Variants in PRDM5 observed in about 807,000 individuals in gnomAD.
The protein encoded by PRDM5 is PR/SET domain 5.
In PRDM5, 56 loss-of-function variants were observed where a neutral mutation model predicts 81.2. The observed-to-expected ratio is 0.69, with a 90% CI of 0.56 to 0.86. The LOEUF (loss-of-function observed/expected upper bound fraction) is 0.86, where lower values mean the gene tolerates loss of function less well. Among genes scored for constraint, PRDM5 ranks in the 40% least tolerant of loss-of-function variants. The pLI is 0.00. For missense variants in PRDM5, 697 were observed against 770.1 expected, an observed-to-expected ratio of 0.91 and a Z score of 1.12; for synonymous variants, 267 against 256.4, an observed-to-expected ratio of 1.04 and a Z score of -0.39.
chr4:120,840,722 C>A (rs1251177911), intron 3 of PRDM5, among the ~76,000 whole-genome samples: 1 of 152,194 alleles, frequency 6.6e-6, no homozygotes, highest in Non-Finnish European at 1.5e-5. Flanking sequence ...ACTCTGCCCA[C>A]GATAGGCCTG....
chr4:120,796,321 G>A (rs1751342779), intron 10 of PRDM5, among the ~76,000 whole-genome samples: 1 of 152,194 alleles, frequency 6.6e-6, no homozygotes, highest in Admixed American at 6.5e-5. Context: ...GTCTAGTGCA[G>A]AAGGATTGAG....
chr4:120,709,449 T>G (rs369830734), intron 15 of PRDM5, among the ~76,000 whole-genome samples: 1 of 152,196 alleles, frequency 6.6e-6, no homozygotes, highest in East Asian at 1.9e-4. Context: ...TGTCTTAACC[T>G]TACCACTGAA....
intron 15 of PRDM5, among the ~76,000 whole-genome samples, chr4:120,708,593 G>A (rs937500967): frequency 1.3e-5 from 2 of 152,022 alleles, no homozygotes; most frequent in Non-Finnish European, 2.9e-5. Flanking sequence ...TATACTAAAC[G>A]TCACTGAACT....
At chr4:120,785,134 C>A (rs757659747) in intron 10 of PRDM5, 43 bp from the exon 11 acceptor site, 1 of 1,421,436 alleles carries the variant, frequency 7.0e-7, no homozygotes, top group South Asian at 1.1e-5. Context: ...TAGAATCAAC[C>A]AGTCATTACA....
chr4:120,835,241 A>G (rs1482827802), intron 3 of PRDM5, among the ~76,000 whole-genome samples: 2 of 152,230 alleles, frequency 1.3e-5, no homozygotes, highest in Non-Finnish European at 2.9e-5. Flanking sequence ...AGAAATAAAA[A>G]TAACTTGATG....
intron 15 of PRDM5, 73 bp downstream of exon 15, chr4:120,710,236 C>CACAT (rs1736766595): frequency 4.9e-6 from 6 of 1,224,088 alleles, no homozygotes; most frequent in Non-Finnish European, 7.1e-6. Flanking sequence ...CACACACACA[C>CACAT]ACATACACAC....
At chr4:120,902,918 A>G (rs915496604) in intron 2 of PRDM5, among the ~76,000 whole-genome samples, 1 of 152,102 alleles carries the variant, frequency 6.6e-6, no homozygotes, top group Non-Finnish European at 1.5e-5. Flanking sequence ...CCCTGTCCCA[A>G]GCTCACAAAG....
At chr4:120,775,994 A>C (rs1748097592) in intron 13 of PRDM5, among the ~76,000 whole-genome samples, 1 of 152,116 alleles carries the variant, frequency 6.6e-6, no homozygotes, top group Admixed American at 6.6e-5. Flanking sequence ...CACAATTTTA[A>C]GTACACCTGC....
chr4:120,810,957 T>C (rs1002242430), intron 8 of PRDM5, among the ~76,000 whole-genome samples: 1 of 152,162 alleles, frequency 6.6e-6, no homozygotes, highest in African/African-American at 2.4e-5. Flanking sequence ...TACATCTATA[T>C]ATAAACAGAA....
chr4:120,775,052 T>C (rs1747952498), intron 13 of PRDM5, among the ~76,000 whole-genome samples: 1 of 151,314 alleles, frequency 6.6e-6, no homozygotes, highest in African/African-American at 2.4e-5. Flanking sequence ...AAATTGTATG[T>C]GTTAGTTCAT....
At chr4:120,695,954 C>T (rs1734469987) in intron 15 of PRDM5, among the ~76,000 whole-genome samples, 1 of 151,918 alleles carries the variant, frequency 6.6e-6, no homozygotes, top group African/African-American at 2.4e-5. Context: ...TGTGAAAACA[C>T]CATGAAAAAT....
chr4:120,779,589 C>T (rs1404853016), intron 12 of PRDM5, among the ~76,000 whole-genome samples: 1 of 152,134 alleles, frequency 6.6e-6, no homozygotes, highest in African/African-American at 2.4e-5. Flanking sequence ...TTATTATACA[C>T]TGAATACCTG....
At chr4:120,827,255 G>T (rs1260537854) in intron 3 of PRDM5, among the ~76,000 whole-genome samples, 8 of 152,100 alleles carry the variant, frequency 5.3e-5, no homozygotes, top group Non-Finnish European at 1.5e-5. Context: ...ATATAATATG[G>T]AATTCAGATT....
chr4:120,875,354 A>C (rs1016550144), intron 2 of PRDM5, among the ~76,000 whole-genome samples: 3 of 152,214 alleles, frequency 2.0e-5, no homozygotes, highest in Non-Finnish European at 2.9e-5. Context: ...TGACTCTGAG[A>C]CTGCCAAGGA....
At chr4:120,797,860 AG>A (rs1355466970) in intron 10 of PRDM5, among the ~76,000 whole-genome samples, 1 of 152,186 alleles carries the variant, frequency 6.6e-6, no homozygotes, top group Non-Finnish European at 1.5e-5. Context: ...TAACCTCCTG[AG>A]GGGAAAGGAA....
rs756148625 is a variant in PRDM5 at position 120,811,414 on chromosome 4, T to G, written c.901A>C (p.Asn301His). The G allele has an allele frequency of 1.2e-6, 2 of 1,603,432 alleles. No individual in the cohort carries two copies. The highest frequency in any genetic ancestry group is 1.7e-6 in the Non-Finnish European group (2 of 1,172,438). The change falls in exon 8 of 16, where the codon AAT (asparagine) becomes CAT (histidine). Residue 301 changes from asparagine (N) to histidine (H), a missense_variant. Around this residue, in one of 3 missense-constraint regions of PRDM5, gnomAD observed 577 missense variants for 606.7 expected, o/e 0.95. Coordinates refer to ENST00000264808, the MANE Select transcript of PRDM5 (RefSeq NM_018699.4). Reference sequence around the variant, plus strand: ...CTTGATGCTGAAGAACACTTTTTATTGCACACTGAACATATAAGCTTTTTC... The same window carrying G: ...CTTGATGCTGAAGAACACTTTTTATGGCACACTGAACATATAAGCTTTTTC... ...PKKKLICSVC[N>H]KKCSSASSLQ...
In PRDM5 at chr4:120,860,614, G is replaced by GA. The variant is rs75829066; in HGVS notation, c.178-7075dup. Among the ~76,000 whole-genome samples, 102 of 140,398 alleles carry GA rather than the reference G, an allele frequency of 7.3e-4. 1 individual carries two copies. Among genetic ancestry groups the GA allele is most frequent in the African/African-American group, 1.6e-3 (63 of 38,364 alleles). The allele number at this position is 140,398 out of a possible 152,430, so 92.1% of individuals were successfully genotyped here. A position where few individuals can be genotyped will look rare whatever the true frequency, so the allele number is the denominator to read the frequency against. On this transcript the variant is annotated intron_variant, in intron 2 of 15. Coordinates refer to ENST00000264808, the MANE Select transcript of PRDM5 (RefSeq NM_018699.4). ...ACAGTGACCACTTTCTCCCTTCTTG[G>GA]AAAAAAAAAAAAGAATAAAGTTGAG...
chr4:120,699,200 A>T lies in PRDM5; in HGVS notation c.1729-3925T>A, dbSNP rs1187032220. On this transcript the variant is annotated intron_variant, in intron 15 of 15. Transcript: ENST00000264808. ...TATATATATATATATATATATATAT[A>T]TATATTTCAGATGTCTCCTTAATAA... Among the ~76,000 whole-genome samples, 212 of 69,582 alleles carry T rather than the reference A, an allele frequency of 3.0e-3. 2 individuals are homozygous for T. Among genetic ancestry groups the T allele is most frequent in the Admixed American group, 6.8e-3 (36 of 5,290 alleles). 45.6% of individuals were successfully genotyped at this position (69,582 alleles called of 152,430 possible).
chr4:120,907,629 C>A (rs747073417), intron 1 of PRDM5, 72 bp from the exon 2 acceptor site: 129 of 1,218,552 alleles, frequency 1.1e-4, no homozygotes, highest in Non-Finnish European at 1.4e-4. Flanking sequence ...CGACTTTTTT[C>A]TTCTGGAATG....
Sources: gnomAD v4.1 joint callset for allele counts (sites outside exome capture counted in the v4.1 genomes callset) on GRCh38, gnomAD v4.1.1 for gene constraint, gnomAD v4.1.1 regional missense constraint, MANE v1.5 for transcripts, NCBI Gene and HGNC (gene_info 2026-07-23, HGNC 2026-07-21) for gene names.